The following STK3 variants were observed in gnomAD, a reference collection of about 807,000 sequenced individuals.
STK3 encodes serine/threonine-protein kinase 3.
Under a neutral mutation model 58.0 loss-of-function variants are expected in STK3, and 41 were observed. The observed-to-expected ratio is 0.71, with a 90% CI of 0.55 to 0.92. STK3 has a LOEUF of 0.92. Among genes scored for constraint, STK3 ranks in the 40% least tolerant of loss-of-function variants. STK3 has a pLI of 0.00. For missense variants in STK3, 479 were observed against 602.7 expected (o/e 0.79, Z 2.15); for synonymous variants, 170 against 191.0 (o/e 0.89, Z 0.91).
At position 98,519,308 on chromosome 8, in the gene STK3, A is replaced by C. The variant is rs568689112; in HGVS notation, c.1317+7434T>G. Among the ~76,000 whole-genome samples, 51 of 152,080 alleles carry C rather than the reference A, an allele frequency of 3.4e-4. No homozygotes were observed. The East Asian group carries it at 6.4e-3, about 19-fold the overall frequency. ...ACAAACAAACAAACAAACAAACAAAAAACTGGTAGATGCTGCTGGCTTAAG... is the reference window on the plus strand; with the variant it reads ...ACAAACAAACAAACAAACAAACAAACAACTGGTAGATGCTGCTGGCTTAAG... On this transcript the variant is annotated intron_variant, in intron 10 of 10. Transcript: ENST00000419617.
At chr8:98,694,958 G>T (rs772392042) in intron 6 of STK3, among the ~76,000 whole-genome samples, 4 of 152,148 alleles carry the variant, frequency 2.6e-5, no homozygotes, top group Non-Finnish European at 4.4e-5. Flanking sequence ...CTAGTTTACA[G>T]TCCCATCAAC....
chr8:98,790,238 A>G (rs920955151), intron 1 of STK3, among the ~76,000 whole-genome samples: 1 of 152,134 alleles, frequency 6.6e-6, no homozygotes, highest in African/African-American at 2.4e-5. Flanking sequence ...AAAACTACAG[A>G]CCAATATCCC....
At chr8:98,895,931 A>C (rs1200418442) in intron 1 of STK3, among the ~76,000 whole-genome samples, 2 of 152,248 alleles carry the variant, frequency 1.3e-5, no homozygotes, top group Non-Finnish European at 2.9e-5. Context: ...CCCAGGCACC[A>C]GAAAAATAAG....
In STK3 at chr8:98,742,456, C is replaced by T. The variant is rs1271911480; in HGVS notation, c.351+6820G>A. ...GCAAATCAATAAACGTAATCCATCA[C>T]GTAAACAGAACCAACGACAAAAACC... is the stretch of plus-strand genomic sequence containing the variant. On this transcript the variant is annotated intron_variant, in intron 4 of 10. Coordinates refer to ENST00000419617, the MANE Select transcript of STK3 (RefSeq NM_006281.4). Among the ~76,000 whole-genome samples, 13 of 122,564 alleles carry T rather than the reference C, an allele frequency of 1.1e-4. 2 individuals are homozygous for T. The highest frequency in any genetic ancestry group is 1.9e-4 in the Non-Finnish European group (11 of 57,302). The allele number at this position is 122,564 out of a possible 152,430, so 80.4% of individuals were successfully genotyped here.
At chr8:98,836,632 C>T (rs565624358) in intron 3 of STK3, among the ~76,000 whole-genome samples, 1 of 152,310 alleles carries the variant, frequency 6.6e-6, no homozygotes, top group Admixed American at 6.5e-5. Context: ...GTTCAAATAA[C>T]TGTGGTCTCT....
intron 10 of STK3, among the ~76,000 whole-genome samples, chr8:98,498,620 T>C (rs570980355): frequency 6.6e-6 from 1 of 152,344 alleles, no homozygotes; most frequent in African/African-American, 2.4e-5. Context: ...AGATCACCAA[T>C]GACCTCCTTG....
intron 6 of STK3, among the ~76,000 whole-genome samples, chr8:98,628,773 TC>T (rs1818936302): frequency 7.9e-6 from 1 of 127,166 alleles, no homozygotes; most frequent in East Asian, 2.3e-4. Flanking sequence ...CTGCACTCTA[TC>T]CCAGGCAATA....
intron 6 of STK3, among the ~76,000 whole-genome samples, chr8:98,665,582 A>G (rs1822278224): frequency 6.6e-6 from 1 of 151,998 alleles, no homozygotes; most frequent in African/African-American, 2.4e-5. Flanking sequence ...TTTTGTAGAG[A>G]CAAGGTCTCA....
At chr8:98,672,338 C>T (rs1469800823) in intron 6 of STK3, among the ~76,000 whole-genome samples, 1 of 152,032 alleles carries the variant, frequency 6.6e-6, no homozygotes, top group East Asian at 1.9e-4. Context: ...GCTACGATCC[C>T]GCCACTGCAC....
At chr8:98,639,297 G>T (rs1236122095) in intron 6 of STK3, among the ~76,000 whole-genome samples, 1 of 152,064 alleles carries the variant, frequency 6.6e-6, no homozygotes, top group African/African-American at 2.4e-5. Context: ...ATGTTTTGTA[G>T]AGACAGGGTT....
At chr8:98,378,637 GT>G (rs1651855825) in intron 2 of STK3, among the ~76,000 whole-genome samples, 1 of 152,164 alleles carries the variant, frequency 6.6e-6, no homozygotes, top group African/African-American at 2.4e-5. Flanking sequence ...AATGATAGCT[GT>G]TTTTATCAAC....
downstream of STK3, among the ~76,000 whole-genome samples, chr8:98,451,304 G>C (rs1416821895): frequency 6.6e-6 from 1 of 152,092 alleles, no homozygotes; most frequent in Non-Finnish European, 1.5e-5. Flanking sequence ...CTGCCGTCAG[G>C]AACTTTACAA....
intron 10 of STK3, among the ~76,000 whole-genome samples, chr8:98,506,771 A>G (rs1824117359): frequency 6.6e-6 from 1 of 152,230 alleles, no homozygotes; most frequent in African/African-American, 2.4e-5. Flanking sequence ...ATGCAGCTCC[A>G]GATACTGAAA....
chr8:98,637,973 C>A (rs574682657), intron 6 of STK3, among the ~76,000 whole-genome samples: 1 of 152,228 alleles, frequency 6.6e-6, no homozygotes, highest in South Asian at 2.1e-4. Context: ...TATAATCTAT[C>A]ATGTAAAGAA....
At chr8:98,551,500 C>G (rs1180409983) in intron 8 of STK3, among the ~76,000 whole-genome samples, 1 of 152,068 alleles carries the variant, frequency 6.6e-6, no homozygotes, top group Non-Finnish European at 1.5e-5. Flanking sequence ...ACAAATGGAG[C>G]AAGGGAAAGC....
intron 3 of STK3, among the ~76,000 whole-genome samples, chr8:98,839,244 C>T (rs1185129629): frequency 6.6e-6 from 1 of 151,978 alleles, no homozygotes; most frequent in Non-Finnish European, 1.5e-5. Context: ...ACCAGGGATT[C>T]CCACTATGTT....
At chr8:98,449,395 G>A (rs1321410115) in intron 1 of STK3, among the ~76,000 whole-genome samples, 1 of 152,158 alleles carries the variant, frequency 6.6e-6, no homozygotes, top group Non-Finnish European at 1.5e-5. Context: ...TCAGAGAAAT[G>A]TAGATATATA....
intron 6 of STK3, among the ~76,000 whole-genome samples, chr8:98,612,300 T>C (rs955586143): frequency 7.4e-4 from 112 of 150,590 alleles, no homozygotes; most frequent in African/African-American, 2.6e-3. Context: ...CTCATGCCTA[T>C]AATCCCAGCC....
intron 6 of STK3, among the ~76,000 whole-genome samples, chr8:98,626,334 G>A (rs754240694): frequency 1.3e-5 from 2 of 152,206 alleles, no homozygotes; most frequent in Non-Finnish European, 2.9e-5. Flanking sequence ...ACAATCAAAT[G>A]TTTCAGAGCA....
Sources: gnomAD v4.1 joint callset for allele counts (sites outside exome capture counted in the v4.1 genomes callset) on GRCh38, gnomAD v4.1.1 for gene constraint, MANE v1.5 for transcripts, NCBI Gene and HGNC (gene_info 2026-07-23, HGNC 2026-07-21) for gene names.